AGRN: variants seen among roughly 807,000 people sequenced by gnomAD.
AGRN encodes the protein agrin, also known as agrin proteoglycan.
Under a neutral mutation model 211.0 loss-of-function variants are expected in AGRN, and 106 were observed. The ratio of observed to expected loss-of-function variants is 0.50; its 90% confidence interval spans 0.43 to 0.59. The LOEUF (loss-of-function observed/expected upper bound fraction) is 0.59. Among genes scored for constraint, AGRN ranks in the 20% least tolerant of loss-of-function variants. AGRN has a pLI of 0.00. For missense variants in AGRN, 3,040 were observed against 2,982.6 expected, an observed-to-expected ratio of 1.02 and a Z score of -0.45; for synonymous variants, 1,525 against 1,332.5, an observed-to-expected ratio of 1.14 and a Z score of -3.15.
At chr1:1,028,480 G>T in intron 2 of AGRN, among the ~76,000 whole-genome samples, 1 of 151,898 alleles carries the variant, frequency 6.6e-6, no homozygotes, top group East Asian at 1.9e-4. Flanking sequence ...CATGGGCCAA[G>T]GGCGCCCACA....
At chr1:1,051,705 A>C in intron 32 of AGRN, 23 bp from the exon 33 acceptor site, 1 of 1,613,276 alleles carries the variant, frequency 6.2e-7, no homozygotes, top group Non-Finnish European at 8.5e-7. Context: ...ACGAGGCCCC[A>C]CCCTCACCTG....
Position 1,052,523 on chromosome 1 carries a change from G to GTA in AGRN, c.5651+709_5651+710insAT, listed in dbSNP as rs574063199. 11 of 248,764 alleles carry GTA rather than the reference G, an allele frequency of 4.4e-5. No individual in the cohort carries two copies. In the South Asian group the frequency reaches 5.2e-4, roughly 12 times the overall value. 15.4% of individuals were successfully genotyped at this position (248,764 alleles called of 1,614,324 possible). ...CATGCAGGTATGTGTCCGTGTGTGT[G>GTA]TGTGTGCATATGGGTCCATGTATGT... is the stretch of plus-strand genomic sequence containing the variant. On this transcript the variant is annotated intron_variant, in intron 33 of 35. Transcript: ENST00000379370.
intron 35 of AGRN, 63 bp downstream of exon 35, chr1:1,054,614 C>T (rs1645402166): frequency 6.5e-7 from 1 of 1,535,396 alleles, no homozygotes; most frequent in Non-Finnish European, 8.8e-7. Flanking sequence ...GAGGGACAGA[C>T]TCCACCCCCC....
chr1:1,040,831 G>T lies in AGRN; in HGVS notation c.678G>T (p.Ala226=). 6.5e-7 allele frequency: 1 copy of T among 1,536,310 alleles called. No homozygotes were observed. Among genetic ancestry groups the T allele is most frequent in the Non-Finnish European group, 8.7e-7 (1 of 1,147,324 alleles). Residue 226 remains alanine, a synonymous_variant, in exon 4 of 36, where the codon GCG becomes GCT. Coordinates refer to ENST00000379370, the MANE Select transcript of AGRN (RefSeq NM_198576.4). The stretch of plus-strand genomic sequence containing the variant: ...GCAACGAATGCGAGCTGCAGCGGGC[G>T]CAGTGCAGCCAGCAGCGCCGCATCC... ...TYSNECELQR[A]QCSQQRRIRL... is the part of the protein sequence containing the mutation.
intron 2 of AGRN, among the ~76,000 whole-genome samples, chr1:1,033,136 GAGTCCCCGCCGCA>G (rs1408065755): frequency 6.6e-6 from 1 of 151,982 alleles, no homozygotes; most frequent in Non-Finnish European, 1.5e-5. Flanking sequence ...GACCCGCAGG[GAGTCCCCGCCGCA>G]ATTTGCATGG....
intron 3 of AGRN, 53 bp from the exon 4 acceptor site, chr1:1,040,612 G>A: frequency 6.5e-7 from 1 of 1,539,082 alleles, no homozygotes. Context: ...CAGGCTTGTG[G>A]ACGTGGGTAC....
intron 2 of AGRN, among the ~76,000 whole-genome samples, chr1:1,029,413 G>GGATCAGTGTCTATGCAGGCAGGTGGGGC (rs1644599253): frequency 7.2e-6 from 1 of 139,244 alleles, no homozygotes. Flanking sequence ...GCAGGTGGGG[G>GGATCAGTGTCTATGCAGGCAGGTGGGGC]GGACATCAGT....
intron 2 of AGRN, chr1:1,034,553 G>T: frequency 4.1e-6 from 4 of 986,574 alleles, no homozygotes; most frequent in Non-Finnish European, 4.8e-6. Flanking sequence ...GGAGCCCCGG[G>T]CCATGCCTCC....
intron 26 of AGRN, 34 bp from the exon 27 acceptor site, chr1:1,049,869 G>T (rs1244527452): frequency 6.2e-7 from 1 of 1,611,184 alleles, no homozygotes; most frequent in Admixed American, 1.7e-5. Flanking sequence ...CGCCTCCTGG[G>T]ACCTCGGTCC....
At chr1:1,041,757 G>T in intron 6 of AGRN, 55 bp downstream of exon 6, 3 of 1,486,378 alleles carry the variant, frequency 2.0e-6, no homozygotes, top group Non-Finnish European at 2.7e-6. Flanking sequence ...GAGGTGGGCG[G>T]CTCCCCCGGG....
rs1644676034 is a variant in AGRN, at chr1:1,031,468, C to T, written c.464-3809C>T. Among the ~76,000 whole-genome samples the T allele has an allele frequency of 6.6e-6, 1 of 152,126 alleles. No individual in the cohort carries two copies. The highest frequency in any genetic ancestry group is 2.4e-5 in the African/African-American group (1 of 41,412). ...TGGCTGGGCCTGGGGCCTCAATGGC[C>T]CTTTGTCTTTCTGAAGGCATCTGGG... On this transcript the variant is annotated intron_variant, in intron 2 of 35. Transcript: ENST00000379370. This position sits in a 1 kb window ranked among gnomAD's most constrained non-coding sequence, Gnocchi z 4.8.
chr1:1,049,164 G>GGGGAGGGGGGGC (rs1362932279), intron 24 of AGRN, 72 bp from the exon 25 acceptor site: 12 of 1,092,524 alleles, frequency 1.1e-5, no homozygotes, highest in East Asian at 3.6e-5. Context: ...GGGGACGGGG[G>GGGGAGGGGGGGC]CGGGGCAGCT....
Position 1,048,232 on chromosome 1 carries a change from G to A in AGRN, c.3972G>A (p.Pro1324=), listed in dbSNP as rs201483077. The change falls in exon 23 of 36, where the codon CCG becomes CCA. Residue 1324 remains proline (P), a synonymous_variant. Coordinates refer to ENST00000379370, the MANE Select transcript of AGRN (RefSeq NM_198576.4). This position sits in a 1 kb window ranked among gnomAD's most constrained non-coding sequence, Gnocchi z 5.9. The stretch of plus-strand genomic sequence containing the variant: ...GCCGTGTGCCCGGACGTCGGCCCCC[G>A]GCCCCCCAGCAGCCTCCAAAGCCCT... ...APSRVPGRRP[P]APQQPPKPCD... The A allele has an allele frequency of 1.4e-3, 2,235 of 1,544,622 alleles. 18 individuals carry two copies. In the African/African-American group the frequency reaches 0.026, roughly 18 times the overall value.
In AGRN at chr1:1,031,075, CTG is replaced by C. The variant is rs1481564775; in HGVS notation, c.464-4199_464-4198del. ...ATGTGTGTGTGTGCAGTGCATGGTG[CTG>C]TGAGTGTGATTGTGTGTGTGTGTGT... On this transcript the variant is annotated intron_variant, in intron 2 of 35. Transcript: ENST00000379370. The surrounding 1 kb of genome is among the most constrained non-coding windows in gnomAD (Gnocchi z 4.8). 9.5e-6 allele frequency among the ~76,000 whole-genome samples: 1 copy of C among 105,456 alleles called. No homozygotes were observed. The highest frequency in any genetic ancestry group is 4.0e-5 in the African/African-American group (1 of 24,760). 69.2% of individuals were successfully genotyped at this position (105,456 alleles called of 152,430 possible). A position where few individuals can be genotyped will look rare whatever the true frequency, so the allele number is the denominator to read the frequency against.
intron 3 of AGRN, among the ~76,000 whole-genome samples, chr1:1,037,255 C>T (rs374309900): frequency 6.6e-6 from 1 of 152,164 alleles, no homozygotes; most frequent in South Asian, 2.1e-4. Flanking sequence ...GGTGGGAGGT[C>T]CCCTCTCTTA....
Position 1,047,575 on chromosome 1 carries a change from G to A in AGRN, c.3519G>A (p.Leu1173=), listed in dbSNP as rs766843303. ...TCCTTGCCTACTCCCTGCCACAGCTGGACGACCTCTTCCGGAATTCAGACG... is the reference window on the plus strand; with the variant it reads ...TCCTTGCCTACTCCCTGCCACAGCTAGACGACCTCTTCCGGAATTCAGACG... ...GETARSIEST[L]DDLFRNSDVK... is the part of the protein sequence containing the mutation. The change falls in exon 21 of 36, where the codon CTG becomes CTA. Residue 1173 remains leucine, a splice_region_variant and synonymous_variant. Coordinates refer to ENST00000379370, the MANE Select transcript of AGRN (RefSeq NM_198576.4). The A allele has an allele frequency of 6.2e-7, 1 of 1,612,934 alleles. No homozygotes were observed.
chr1:1,053,383 C>T, intron 33 of AGRN: 3 of 1,234,052 alleles, frequency 2.4e-6, no homozygotes, highest in Non-Finnish European at 3.2e-6. Context: ...GCTCCTTGCA[C>T]CCCACAGTGT....
intron 26 of AGRN, 46 bp from the exon 27 acceptor site, chr1:1,049,857 G>T: frequency 6.2e-7 from 1 of 1,611,336 alleles, no homozygotes; most frequent in Non-Finnish European, 8.5e-7. Flanking sequence ...GTACCCAACC[G>T]ACGCCTCCTG....
At position 1,051,285 on chromosome 1, in the gene AGRN, G is replaced by C. The variant is rs1240297876; in HGVS notation, c.5286G>C (p.Pro1762=). 1 of 1,577,202 alleles carries C rather than the reference G, an allele frequency of 6.3e-7. No homozygotes were observed. The highest frequency in any genetic ancestry group is 8.6e-7 in the Non-Finnish European group (1 of 1,162,486). The change falls in exon 31 of 36, where the codon CCG becomes CCC. Residue 1762 remains proline, a synonymous_variant. Coordinates refer to ENST00000379370, the MANE Select transcript of AGRN (RefSeq NM_198576.4). The stretch of plus-strand genomic sequence containing the variant: ...ACACCGTCCTCAACCTGAAGGAGCC[G>C]CTCTACGTAGGGGGCGCTCCCGACT... The part of the protein sequence containing the change: ...VPHTVLNLKE[P]LYVGGAPDFS...
Sources: allele counts gnomAD v4.1 joint callset (sites outside exome capture counted in the v4.1 genomes callset), GRCh38; gene constraint gnomAD v4.1.1; non-coding constraint Gnocchi (gnomAD v3.1); transcripts MANE v1.5; gene names NCBI Gene and HGNC (gene_info 2026-07-23, HGNC 2026-07-21).